Variants in NLN observed in about 807,000 individuals in gnomAD.
NLN encodes neurolysin, also known as neurolysin, mitochondrial.
A neutral mutation model predicts 79.9 loss-of-function variants in NLN; 64 were observed. That is an observed-to-expected ratio of 0.80 (90% CI 0.65 to 0.99). The LOEUF (loss-of-function observed/expected upper bound fraction) is 0.99. NLN is among the 50% of genes least tolerant of loss of function. The pLI is 0.00. For missense variants in NLN, 835 were observed against 858.7 expected, an observed-to-expected ratio of 0.97 and a Z score of 0.34; for synonymous variants, 267 against 296.6, an observed-to-expected ratio of 0.90 and a Z score of 1.02.
intron 1 of NLN, among the ~76,000 whole-genome samples, chr5:65,746,557 T>C (rs1348205984): frequency 6.6e-6 from 1 of 152,152 alleles, no homozygotes; most frequent in Non-Finnish European, 1.5e-5. Context: ...GCTGGACCAC[T>C]TTGAAAAGTC....
chr5:65,761,564 T>G (rs1369567020), intron 2 of NLN, among the ~76,000 whole-genome samples: 3 of 152,284 alleles, frequency 2.0e-5, no homozygotes, highest in Non-Finnish European at 4.4e-5. Flanking sequence ...AATGCTGGGA[T>G]TATGAGCTTG....
intron 3 of NLN, among the ~76,000 whole-genome samples, chr5:65,772,791 C>T (rs746558846): frequency 4.6e-5 from 7 of 150,736 alleles, no homozygotes; most frequent in Admixed American, 4.0e-4. Context: ...ACCGTAGTGA[C>T]GTGATCTCAG....
chr5:65,765,272 C>A (rs996607699), intron 3 of NLN, among the ~76,000 whole-genome samples: 8 of 152,156 alleles, frequency 5.3e-5, no homozygotes, highest in African/African-American at 1.9e-4. Context: ...AATCCCAGCA[C>A]TTTGGGAGGC....
Position 65,792,536 on chromosome 5 carries a change from G to C in NLN, c.1408G>C (p.Ala470Pro). Residue 470 changes from alanine (A) to proline (P), a missense_variant, in exon 9 of 13, where the codon GCT becomes CCT. Coordinates refer to ENST00000380985, the MANE Select transcript of NLN (RefSeq NM_020726.5). ...LPDGSRMMAV[A>P]ALVVNFSQPV... ...TGATGGAAGCCGGATGATGGCAGTGGCTGCCCTCGTGGTGAACTTCTCACA... is the reference window on the plus strand; with the variant it reads ...TGATGGAAGCCGGATGATGGCAGTGCCTGCCCTCGTGGTGAACTTCTCACA... The C allele has an allele frequency of 6.2e-7, 1 of 1,613,682 alleles. No individual in the cohort carries two copies. The highest frequency in any genetic ancestry group is 8.5e-7 in the Non-Finnish European group (1 of 1,179,604).
chr5:65,746,896 C>T (rs373554297), intron 1 of NLN, among the ~76,000 whole-genome samples: 6 of 151,134 alleles, frequency 4.0e-5, no homozygotes, highest in African/African-American at 1.5e-4. Context: ...CCCAGCTACT[C>T]GGGAGGCTGA....
intron 12 of NLN, among the ~76,000 whole-genome samples, chr5:65,818,037 C>T (rs1296345488): frequency 6.6e-6 from 1 of 152,156 alleles, no homozygotes; most frequent in Admixed American, 6.6e-5. Flanking sequence ...CCTCAGGTTT[C>T]GCCTGACTTG....
intron 1 of NLN, among the ~76,000 whole-genome samples, chr5:65,750,525 G>A (rs981638739): frequency 3.9e-5 from 6 of 152,110 alleles, no homozygotes; most frequent in South Asian, 2.1e-4. Flanking sequence ...TGCTCATTAT[G>A]GGCAACATAG....
At chr5:65,769,659 TACTAAG>T (rs1759527639) in intron 3 of NLN, among the ~76,000 whole-genome samples, 1 of 152,242 alleles carries the variant, frequency 6.6e-6, no homozygotes, top group Non-Finnish European at 1.5e-5. Context: ...AGTGTATGAC[TACTAAG>T]ACTGCCTTAC....
Position 65,758,780 on chromosome 5 carries a change from C to A in NLN, c.255C>A (p.Tyr85Ter). The A allele has an allele frequency of 6.2e-7, 1 of 1,613,758 alleles. No homozygotes were observed. Among genetic ancestry groups the A allele is most frequent in the Non-Finnish European group, 8.5e-7 (1 of 1,179,758 alleles). The change falls in exon 2 of 13, where the codon TAC becomes TAA. Residue 85 changes from tyrosine (Y) to a stop codon, truncating the protein, a stop_gained. Transcript: ENST00000380985. LOFTEE classifies it high-confidence loss of function. ...TGCTCGGTATTGAGGAAGTAACTTACGAGAACTGTCTGCAGGCACTGGCAG... is the reference window on the plus strand; with the variant it reads ...TGCTCGGTATTGAGGAAGTAACTTAAGAGAACTGTCTGCAGGCACTGGCAG... ...VGMLGIEEVT[Y>*]ENCLQALADV...
chr5:65,723,467 A>G (rs1318957104), intron 1 of NLN, among the ~76,000 whole-genome samples: 1 of 152,200 alleles, frequency 6.6e-6, no homozygotes, highest in East Asian at 1.9e-4. Context: ...TTATACCAAG[A>G]AATGAAGACT....
chr5:65,760,547 C>G (rs1227999010), intron 2 of NLN, among the ~76,000 whole-genome samples: 1 of 152,230 alleles, frequency 6.6e-6, no homozygotes, highest in East Asian at 1.9e-4. Context: ...AAGTCTCACT[C>G]TGTCACCCAG....
At chr5:65,748,443 G>T (rs1759032091) in intron 1 of NLN, among the ~76,000 whole-genome samples, 1 of 152,034 alleles carries the variant, frequency 6.6e-6, no homozygotes, top group African/African-American at 2.4e-5. Context: ...AAATACAAAG[G>T]TTCTTGGAGT....
At chr5:65,723,540 C>T (rs1758370172) in intron 1 of NLN, among the ~76,000 whole-genome samples, 1 of 152,106 alleles carries the variant, frequency 6.6e-6, no homozygotes, top group Admixed American at 6.5e-5. Context: ...CTCGGCCGGG[C>T]GCTGTGGCTC....
At chr5:65,781,066 C>T (rs1331397744) in intron 5 of NLN, among the ~76,000 whole-genome samples, 195 bp from the exon 6 acceptor site, 1 of 152,162 alleles carries the variant, frequency 6.6e-6, no homozygotes, top group Non-Finnish European at 1.5e-5. Flanking sequence ...GAATTGCCGT[C>T]TCCCAAGGCA....
rs1381438032 is a variant in NLN at position 65,792,463 on chromosome 5, A to T, written c.1335A>T (p.Lys445Asn). 1.9e-6 allele frequency: 3 copies of T among 1,612,788 alleles called. No homozygotes were observed. In the South Asian group the frequency reaches 3.3e-5, roughly 18 times the overall value. ...TGTTTCTGGCTCCTAGGGAAGGAAA[A>T]TACAATCATGCGGCCTGCTTCGGTC... ...FYLDLYPREG[K>N]YNHAACFGLQ... The change falls in exon 9 of 13, where the codon AAA (lysine) becomes AAT (asparagine). Residue 445 changes from lysine to asparagine, a missense_variant. By Grantham distance (94) the Lys-to-Asn change is moderately conservative. Coordinates refer to ENST00000380985, the MANE Select transcript of NLN (RefSeq NM_020726.5).
At chr5:65,725,894 C>T (rs569904165) in intron 1 of NLN, among the ~76,000 whole-genome samples, 10 of 152,230 alleles carry the variant, frequency 6.6e-5, no homozygotes, top group Non-Finnish European at 1.0e-4. Context: ...AGGTGGATCA[C>T]GAAGTCAGGA....
At chr5:65,812,075 T>C (rs1336818369) in intron 11 of NLN, among the ~76,000 whole-genome samples, 180 bp from the exon 12 acceptor site, 2 of 152,178 alleles carry the variant, frequency 1.3e-5, no homozygotes, top group Non-Finnish European at 2.9e-5. Flanking sequence ...GAGCCATTGA[T>C]AGATGTTTAT....
At chr5:65,786,013 T>G in intron 7 of NLN, 103 bp downstream of exon 7, 1 of 1,019,368 alleles carries the variant, frequency 9.8e-7, no homozygotes, top group South Asian at 1.6e-5. Context: ...TACTTTTCCT[T>G]CATTTGAGAG....
At position 65,824,070 on chromosome 5, in the gene NLN, C is replaced by T. The variant is rs1029570410; in HGVS notation, c.*1155C>T. On this transcript the variant is annotated 3_prime_UTR_variant, in exon 13 of 13. Coordinates refer to ENST00000380985, the MANE Select transcript of NLN (RefSeq NM_020726.5). ...GTGAGTCTAAATTCCAATTCTGCAG[C>T]AGATCAGTAAACTCACAGTATTTTT... 6.6e-6 allele frequency: 1 copy of T among 151,984 alleles called. No homozygotes were observed. Among genetic ancestry groups the T allele is most frequent in the South Asian group, 2.1e-4 (1 of 4,824 alleles). 9.4% of individuals were successfully genotyped at this position (151,984 alleles called of 1,614,324 possible). A position where few individuals can be genotyped will look rare whatever the true frequency, so the allele number is the denominator to read the frequency against.
Sources: gnomAD v4.1 joint callset for allele counts (sites outside exome capture counted in the v4.1 genomes callset) on GRCh38, gnomAD v4.1.1 for gene constraint, MANE v1.5 for transcripts, NCBI Gene and HGNC (gene_info 2026-07-23, HGNC 2026-07-21) for gene names.